KCNIP4: variants seen among roughly 807,000 people sequenced by gnomAD.
KCNIP4 encodes potassium voltage-gated channel interacting protein 4.
KCNIP4 carries 12 observed loss-of-function variants against 34.0 expected under a neutral mutation model. That is an observed-to-expected ratio of 0.35 (90% CI 0.23 to 0.57). The LOEUF (loss-of-function observed/expected upper bound fraction) is 0.57, where lower values mean the gene tolerates loss of function less well. Ranked by LOEUF, KCNIP4 falls within the 20% of genes least tolerant of loss-of-function variation. KCNIP4 has a pLI of 0.83. For missense variants in KCNIP4, 238 were observed against 311.7 expected, an observed-to-expected ratio of 0.76 and a Z score of 1.78; for synonymous variants, 124 against 102.2, an observed-to-expected ratio of 1.21 and a Z score of -1.29.
chr4:21,343,626 A>G (rs1219557827), intron 1 of KCNIP4, among the ~76,000 whole-genome samples: 1 of 152,118 alleles, frequency 6.6e-6, no homozygotes, highest in Non-Finnish European at 1.5e-5. Flanking sequence ...ATTTCCCTAG[A>G]AGCAGTCTTT....
Position 21,345,401 on chromosome 4 carries a change from G to A in KCNIP4, c.62-462692C>T, listed in dbSNP as rs564443325. ...AAGCACTCAATTAACTCATGAAAAC[G>A]GTGAGATAAATTTTTGTTGTTTTAA... On this transcript the variant is annotated intron_variant, in intron 1 of 8. Transcript: ENST00000382152. Among the ~76,000 whole-genome samples, 353 of 152,148 alleles carry A rather than the reference G, an allele frequency of 2.3e-3. 4 individuals carry two copies. The highest frequency in any genetic ancestry group is 6.8e-3 in the Middle Eastern group (2 of 294).
chr4:21,054,086 A>G (rs112376539), intron 1 of KCNIP4, among the ~76,000 whole-genome samples: 17 of 139,098 alleles, frequency 1.2e-4, no homozygotes, highest in African/African-American at 4.7e-4. Context: ...ATATTGACAA[A>G]ATGTCAATAT....
At chr4:20,758,406 A>C (rs530588351) in intron 4 of KCNIP4, among the ~76,000 whole-genome samples, 9 of 152,200 alleles carry the variant, frequency 5.9e-5, no homozygotes, top group Non-Finnish European at 1.0e-4. Flanking sequence ...GCCCTGAGCA[A>C]ACCATTTACC....
At chr4:20,802,894 T>C (rs1262289400) in intron 3 of KCNIP4, among the ~76,000 whole-genome samples, 4 of 151,812 alleles carry the variant, frequency 2.6e-5, no homozygotes, top group Non-Finnish European at 4.4e-5. Flanking sequence ...GCTAACACAG[T>C]GAAACCCCGT....
At chr4:21,107,904 C>A (rs1430189128) in intron 1 of KCNIP4, among the ~76,000 whole-genome samples, 3 of 151,342 alleles carry the variant, frequency 2.0e-5, no homozygotes, top group Non-Finnish European at 4.4e-5. Context: ...AAATTCTCTC[C>A]TTTAAAAATG....
At chr4:21,904,358 T>A (rs1727874497) in intron 1 of KCNIP4, among the ~76,000 whole-genome samples, 2 of 152,188 alleles carry the variant, frequency 1.3e-5, no homozygotes, top group Admixed American at 6.6e-5. Flanking sequence ...CTCAGCTTTC[T>A]ACTCTAGAAA....
At chr4:20,927,624 CA>C in intron 1 of KCNIP4, among the ~76,000 whole-genome samples, 1 of 152,028 alleles carries the variant, frequency 6.6e-6, no homozygotes, top group Middle Eastern at 3.4e-3. Flanking sequence ...ACTTTACCCC[CA>C]AAAAATTAAA....
intron 1 of KCNIP4, among the ~76,000 whole-genome samples, chr4:21,696,898 G>A (rs116728053): frequency 0.02 from 2,966 of 151,906 alleles, 86 homozygotes; most frequent in African/African-American, 0.068. Flanking sequence ...ACTCTTTCCC[G>A]GCCAAGCCCT....
At chr4:21,491,177 C>T (rs1400075197) in intron 1 of KCNIP4, among the ~76,000 whole-genome samples, 1 of 152,038 alleles carries the variant, frequency 6.6e-6, no homozygotes, top group Non-Finnish European at 1.5e-5. Flanking sequence ...CAAGACAATA[C>T]ATCACAGGTA....
At chr4:21,553,766 C>T (rs71607081) in intron 1 of KCNIP4, among the ~76,000 whole-genome samples, 14,861 of 152,072 alleles carry the variant, frequency 0.098, 831 homozygotes, top group Middle Eastern at 0.19. Flanking sequence ...GTTATTATTA[C>T]CCCCATTGTT....
At chr4:21,778,101 T>C (rs1719300977) in intron 1 of KCNIP4, among the ~76,000 whole-genome samples, 1 of 152,120 alleles carries the variant, frequency 6.6e-6, no homozygotes, top group Non-Finnish European at 1.5e-5. Context: ...CCTCTGTGGC[T>C]GAGTTTCAGA....
chr4:21,587,885 C>G (rs775697346), intron 1 of KCNIP4, among the ~76,000 whole-genome samples: 41 of 151,972 alleles, frequency 2.7e-4, no homozygotes, highest in Admixed American at 4.6e-4. Flanking sequence ...CTGTTAAATG[C>G]TTACATAACC....
At chr4:21,531,867 G>T (rs1389691462) in intron 1 of KCNIP4, among the ~76,000 whole-genome samples, 1 of 151,956 alleles carries the variant, frequency 6.6e-6, no homozygotes, top group Non-Finnish European at 1.5e-5. Flanking sequence ...TTAAATACAT[G>T]AAGTAGTTAA....
chr4:21,785,605 A>G (rs1166467794), intron 1 of KCNIP4, among the ~76,000 whole-genome samples: 4 of 143,250 alleles, frequency 2.8e-5, no homozygotes, highest in Non-Finnish European at 5.9e-5. Flanking sequence ...AAATAAATAA[A>G]TAAATAAATA....
At chr4:21,042,391 G>A (rs913630960) in intron 1 of KCNIP4, among the ~76,000 whole-genome samples, 7 of 152,166 alleles carry the variant, frequency 4.6e-5, no homozygotes, top group African/African-American at 1.7e-4. Context: ...GTGACAACAT[G>A]GATAAGCCTG....
At chr4:21,266,603 G>A (rs1261012266) in intron 1 of KCNIP4, among the ~76,000 whole-genome samples, 3 of 152,174 alleles carry the variant, frequency 2.0e-5, no homozygotes, top group Admixed American at 6.6e-5. Context: ...AAATGAGGAC[G>A]TTTGACCTAG....
chr4:21,508,714 T>C (rs1734062213), intron 1 of KCNIP4, among the ~76,000 whole-genome samples: 1 of 152,206 alleles, frequency 6.6e-6, no homozygotes, highest in Admixed American at 6.5e-5. Flanking sequence ...TCTCTACTTC[T>C]TCCTGCCTTG....
chr4:21,934,615 C>T (rs1043318303), intron 1 of KCNIP4, among the ~76,000 whole-genome samples: 4 of 152,032 alleles, frequency 2.6e-5, no homozygotes, highest in African/African-American at 9.7e-5. Context: ...GGACAACAAG[C>T]ACTAATTCAA....
intron 1 of KCNIP4, among the ~76,000 whole-genome samples, chr4:21,822,103 T>C (rs991056108): frequency 6.6e-6 from 1 of 152,180 alleles, no homozygotes; most frequent in Non-Finnish European, 1.5e-5. Context: ...GGATTACACA[T>C]GAATTCATCA....
Sources: allele counts gnomAD v4.1 joint callset (sites outside exome capture counted in the v4.1 genomes callset), GRCh38; gene constraint gnomAD v4.1.1; transcripts MANE v1.5; gene names NCBI Gene and HGNC (gene_info 2026-07-23, HGNC 2026-07-21).